Variants in PAX3 observed in about 807,000 individuals in gnomAD.
The protein encoded by PAX3 is paired box 3, also known as paired box protein Pax-3.
A neutral mutation model predicts 51.6 loss-of-function variants in PAX3; 14 were observed. The observed-to-expected ratio is 0.27, with a 90% confidence interval of 0.18 to 0.42. The LOEUF (loss-of-function observed/expected upper bound fraction) is 0.42. Ranked by LOEUF, PAX3 falls within the 10% of genes least tolerant of loss-of-function variation. The pLI, the probability that PAX3 is intolerant of heterozygous loss-of-function variation, is 1.00. For missense variants in PAX3, 540 were observed against 642.8 expected, an observed-to-expected ratio of 0.84 and a Z score of 1.73; for synonymous variants, 280 against 253.4, an observed-to-expected ratio of 1.11 and a Z score of -1.00.
At chr2:222,239,292 A>G (rs1692915597) in intron 4 of PAX3, among the ~76,000 whole-genome samples, 1 of 151,478 alleles carries the variant, frequency 6.6e-6, no homozygotes, top group South Asian at 2.1e-4. Flanking sequence ...AGACACAAAG[A>G]AAGCTGGAGT....
chr2:222,281,681 T>C (rs1457451537), intron 4 of PAX3, among the ~76,000 whole-genome samples: 1 of 152,238 alleles, frequency 6.6e-6, no homozygotes, highest in Non-Finnish European at 1.5e-5. Flanking sequence ...TTCCTTCCTG[T>C]GTGGAGAGCT....
chr2:222,242,009 T>C (rs1239027965), intron 4 of PAX3, among the ~76,000 whole-genome samples: 1 of 152,238 alleles, frequency 6.6e-6, no homozygotes, highest in East Asian at 1.9e-4. Flanking sequence ...AAATCAGTGA[T>C]CGAACAAAAA....
At chr2:222,213,983 C>T (rs897668879) in intron 7 of PAX3, among the ~76,000 whole-genome samples, 4 of 152,120 alleles carry the variant, frequency 2.6e-5, no homozygotes, top group African/African-American at 7.2e-5. Context: ...ATTACCAAGC[C>T]ATAGTAGGAA....
In PAX3 at chr2:222,298,518, G is replaced by C. The variant is rs1695430404; in HGVS notation, c.85+13C>G. ...CCCTGGGATCCAGGCGGCGCGCTGA[G>C]GCCCTCCCTTACCTTCCAGCGGGAA... On this transcript the variant is annotated intron_variant, in intron 1 of 8. Coordinates refer to ENST00000392070, the MANE Select transcript of PAX3 (RefSeq NM_181458.4). The C allele has an allele frequency of 6.3e-7, 1 of 1,593,136 alleles. No homozygotes were observed. Among genetic ancestry groups the C allele is most frequent in the African/African-American group, 1.3e-5 (1 of 74,368 alleles).
chr2:222,228,372 T>A (rs976499402), intron 5 of PAX3, among the ~76,000 whole-genome samples: 2 of 152,226 alleles, frequency 1.3e-5, no homozygotes, highest in African/African-American at 4.8e-5. Context: ...CTACTGTTTA[T>A]TGGTTTGATC....
intron 4 of PAX3, among the ~76,000 whole-genome samples, chr2:222,261,601 C>CAAA (rs61534527): frequency 9.2e-6 from 1 of 109,152 alleles, no homozygotes; most frequent in Non-Finnish European, 2.0e-5. Context: ...ACAACAACAA[C>CAAA]AAAAAAAAAA....
intron 4 of PAX3, among the ~76,000 whole-genome samples, chr2:222,252,193 A>G (rs1011065980): frequency 3.9e-5 from 6 of 152,222 alleles, no homozygotes; most frequent in Non-Finnish European, 7.3e-5. Flanking sequence ...GCCGCATGCT[A>G]CAACAGCAGA....
At chr2:222,262,282 A>C (rs1478754730) in intron 4 of PAX3, among the ~76,000 whole-genome samples, 4 of 152,198 alleles carry the variant, frequency 2.6e-5, no homozygotes, top group African/African-American at 9.7e-5. Context: ...ATTATTCCCT[A>C]TTTGGACTAT....
chr2:222,261,913 A>G (rs560878459), intron 4 of PAX3, among the ~76,000 whole-genome samples: 37 of 152,362 alleles, frequency 2.4e-4, no homozygotes, highest in Non-Finnish European at 4.0e-4. Flanking sequence ...AGCAGTTTAA[A>G]CAAGCATGAC....
chr2:222,240,121 C>T (rs1279205785), intron 4 of PAX3, among the ~76,000 whole-genome samples: 1 of 152,166 alleles, frequency 6.6e-6, no homozygotes, highest in African/African-American at 2.4e-5. Context: ...AACAACTCCC[C>T]GAGTGCCTGC....
In PAX3 at chr2:222,212,249, G is replaced by A. The variant is rs1037059331; in HGVS notation, c.1173+7891C>T. Among the ~76,000 whole-genome samples, 10 of 152,142 alleles carry A rather than the reference G, an allele frequency of 6.6e-5. No individual in the cohort carries two copies. In the South Asian group the frequency reaches 8.3e-4, roughly 13 times the overall value. ...AATAGTTTAACTAGATTTTTTTAAC[G>A]CAATCTGCCCAGAATGAGACATCAG... On this transcript the variant is annotated intron_variant, in intron 7 of 8. Coordinates refer to ENST00000392070, the MANE Select transcript of PAX3 (RefSeq NM_181458.4).
At chr2:222,252,172 T>C (rs1693460154) in intron 4 of PAX3, among the ~76,000 whole-genome samples, 2 of 152,208 alleles carry the variant, frequency 1.3e-5, no homozygotes, top group African/African-American at 4.8e-5. Flanking sequence ...TCCATTCCTA[T>C]ATTTTCTATG....
At chr2:222,208,416 T>A (rs899645261) in intron 7 of PAX3, among the ~76,000 whole-genome samples, 4 of 152,062 alleles carry the variant, frequency 2.6e-5, no homozygotes, top group African/African-American at 9.7e-5. Context: ...GTTAATGATA[T>A]CCTCTTATCT....
Position 222,205,222 on chromosome 2 carries a change from C to T in PAX3, c.1174-3032G>A, listed in dbSNP as rs116825684. ...TGGAGAAGATACCCTGTTTGCAGAG[C>T]CGTATTAGGGCAATAGAAAGATAGT... is the stretch of plus-strand genomic sequence containing the variant. On this transcript the variant is annotated intron_variant, in intron 7 of 8. Coordinates refer to ENST00000392070, the MANE Select transcript of PAX3 (RefSeq NM_181458.4). 3.1e-3 allele frequency among the ~76,000 whole-genome samples: 476 copies of T among 152,200 alleles called. 3 individuals carry two copies. The highest frequency in any genetic ancestry group is 0.011 in the African/African-American group (460 of 41,516).
chr2:222,247,292 G>T (rs189703756), intron 4 of PAX3, among the ~76,000 whole-genome samples: 1 of 152,292 alleles, frequency 6.6e-6, no homozygotes, highest in Admixed American at 6.5e-5. Context: ...AGAGTGACAA[G>T]AGAAGAAAAC....
At chr2:222,289,837 A>T (rs993412851) in intron 4 of PAX3, among the ~76,000 whole-genome samples, 1 of 152,214 alleles carries the variant, frequency 6.6e-6, no homozygotes, top group Non-Finnish European at 1.5e-5. Flanking sequence ...AATATTTTTT[A>T]AATGGATGAT....
chr2:222,217,708 C>A (rs1692021504), intron 7 of PAX3, among the ~76,000 whole-genome samples: 1 of 152,168 alleles, frequency 6.6e-6, no homozygotes. Context: ...GGTCACAAGC[C>A]TTTCTCTAGT....
intron 4 of PAX3, among the ~76,000 whole-genome samples, chr2:222,245,679 G>A (rs749730492): frequency 2.0e-5 from 3 of 151,856 alleles, no homozygotes; most frequent in Admixed American, 1.3e-4. Context: ...GGAGAAAGAA[G>A]AGAAGAGAGG....
At chr2:222,255,899 C>G (rs60990749) in intron 4 of PAX3, among the ~76,000 whole-genome samples, 13,616 of 146,268 alleles carry the variant, frequency 0.093, 855 homozygotes, top group East Asian at 0.31. Context: ...TACAGGTGCA[C>G]GCCACTACGC....
Sources: allele counts gnomAD v4.1 joint callset (sites outside exome capture counted in the v4.1 genomes callset), GRCh38; gene constraint gnomAD v4.1.1; transcripts MANE v1.5; gene names NCBI Gene and HGNC (gene_info 2026-07-23, HGNC 2026-07-21).